The following FRMD4A variants were observed in gnomAD, a reference collection of about 807,000 sequenced individuals.
The protein encoded by FRMD4A is FERM domain-containing protein 4A.
Under a neutral mutation model 129.1 loss-of-function variants are expected in FRMD4A, and 29 were observed. The ratio of observed to expected loss-of-function variants is 0.22; its 90% CI spans 0.17 to 0.31. The LOEUF is 0.31. Among genes scored for constraint, FRMD4A ranks in the 10% least tolerant of loss-of-function variants. FRMD4A has a pLI of 1.00. For missense variants in FRMD4A, 1,272 were observed against 1,375.8 expected, an observed-to-expected ratio of 0.92 and a Z score of 1.19; for synonymous variants, 634 against 571.6, an observed-to-expected ratio of 1.11 and a Z score of -1.56.
chr10:13,689,198 C>CGGGGGGGTGGG (rs2085398998), intron 15 of FRMD4A, among the ~76,000 whole-genome samples: 1 of 68,026 alleles, frequency 1.5e-5, no homozygotes, highest in Non-Finnish European at 3.2e-5. Context: ...AAACTCTTTG[C>CGGGGGGGTGGG]GGGGGGGGGG....
At chr10:14,058,272 G>C (rs1004237929) in intron 2 of FRMD4A, among the ~76,000 whole-genome samples, 38 of 152,118 alleles carry the variant, frequency 2.5e-4, no homozygotes, top group African/African-American at 8.9e-4. Flanking sequence ...TCAATCTGAA[G>C]TTTGAGTTAC....
intron 2 of FRMD4A, among the ~76,000 whole-genome samples, chr10:14,104,623 G>A (rs567134988): frequency 2.3e-4 from 35 of 152,316 alleles, no homozygotes; most frequent in Non-Finnish European, 4.1e-4. Context: ...GAGTAGAAAG[G>A]CCAGTGAGAC....
chr10:13,855,781 G>A (rs1231146581), intron 3 of FRMD4A, among the ~76,000 whole-genome samples: 1 of 152,168 alleles, frequency 6.6e-6, no homozygotes, highest in Non-Finnish European at 1.5e-5. Context: ...GTCCAGATGA[G>A]CTAGAGAATC....
In FRMD4A at chr10:13,651,692, G is replaced by C. The variant is rs569140703; in HGVS notation, c.*2+211C>G. The C allele has an allele frequency of 1.1e-5, 6 of 571,288 alleles. No individual in the cohort carries two copies. The South Asian group carries it at 1.1e-4, about 10-fold the overall frequency. 35.4% of individuals were successfully genotyped at this position (571,288 alleles called of 1,614,324 possible). On this transcript the variant is annotated intron_variant, in intron 24 of 24. Coordinates refer to ENST00000357447, the MANE Select transcript of FRMD4A (RefSeq NM_018027.5). ...TGTCTCAAAACAAAACATACTCTGG[G>C]GGTCTTTTCTGGGAAGCAGTGTTAG...
chr10:13,797,491 G>C (rs2093146252), intron 4 of FRMD4A, among the ~76,000 whole-genome samples: 1 of 152,150 alleles, frequency 6.6e-6, no homozygotes, highest in African/African-American at 2.4e-5. Flanking sequence ...CAGCGTCTTA[G>C]TGTCCTGTGA....
intron 8 of FRMD4A, among the ~76,000 whole-genome samples, chr10:13,759,228 C>T (rs1388886559): frequency 6.6e-6 from 1 of 152,194 alleles, no homozygotes; most frequent in East Asian, 1.9e-4. Flanking sequence ...CAGACAGCTG[C>T]GCTTACAAAC....
chr10:13,760,536 T>A (rs533110855), intron 8 of FRMD4A, among the ~76,000 whole-genome samples: 1 of 151,386 alleles, frequency 6.6e-6, no homozygotes, highest in East Asian at 1.9e-4. Context: ...AATTAAAAAA[T>A]AATAATAATA....
At chr10:13,961,888 G>A (rs2095447255) in intron 2 of FRMD4A, among the ~76,000 whole-genome samples, 1 of 152,078 alleles carries the variant, frequency 6.6e-6, no homozygotes, top group Non-Finnish European at 1.5e-5. Flanking sequence ...AGCACATAGA[G>A]GGTGTTCATT....
intron 3 of FRMD4A, among the ~76,000 whole-genome samples, chr10:13,848,654 G>A (rs1414017168): frequency 6.6e-6 from 1 of 150,672 alleles, no homozygotes; most frequent in East Asian, 1.9e-4. Flanking sequence ...GCGGCAGGGG[G>A]TTCCCTAGAT....
chr10:14,212,594 A>G (rs2131958087), intron 2 of FRMD4A, among the ~76,000 whole-genome samples: 1 of 152,346 alleles, frequency 6.6e-6, no homozygotes, highest in South Asian at 2.1e-4. Flanking sequence ...GTAGATCCTT[A>G]ATGTGCATGA....
At chr10:13,885,376 G>A (rs1544219) in intron 2 of FRMD4A, among the ~76,000 whole-genome samples, 147,209 of 152,298 alleles carry the variant, frequency 0.97, 71,353 homozygotes, top group East Asian at 1. Context: ...GAGCTGGTTA[G>A]ATGACCAAAC....
chr10:13,755,848 A>C (rs1041487014), intron 8 of FRMD4A, among the ~76,000 whole-genome samples: 11 of 152,224 alleles, frequency 7.2e-5, no homozygotes, highest in Non-Finnish European at 1.2e-4. Flanking sequence ...CTGGCCCCCA[A>C]GTATTCAATC....
intron 3 of FRMD4A, among the ~76,000 whole-genome samples, chr10:13,848,602 GT>G (rs2094090961): frequency 9.9e-6 from 1 of 101,470 alleles, no homozygotes; most frequent in Non-Finnish European, 2.3e-5. Flanking sequence ...GTGAGTGTGT[GT>G]GTGTACGTGT....
intron 2 of FRMD4A, among the ~76,000 whole-genome samples, chr10:13,970,277 T>C (rs991992509): frequency 3.4e-5 from 5 of 148,224 alleles, no homozygotes; most frequent in African/African-American, 1.3e-4. Flanking sequence ...TCAGAAGCCA[T>C]GTAAAGGGTC....
intron 3 of FRMD4A, among the ~76,000 whole-genome samples, chr10:13,831,000 G>A (rs1970581): frequency 0.76 from 116,231 of 152,054 alleles, 44,454 homozygotes; most frequent in Middle Eastern, 0.83. Context: ...ATGTTGGCCA[G>A]GCTGGTCTTG....
intron 2 of FRMD4A, among the ~76,000 whole-genome samples, chr10:14,004,729 G>A (rs1390870433): frequency 7.2e-5 from 11 of 152,274 alleles, no homozygotes; most frequent in South Asian, 6.2e-4. Context: ...CAGTGTGGAT[G>A]AATAAACCGA....
At chr10:13,959,277 G>C (rs1433319039) in intron 2 of FRMD4A, among the ~76,000 whole-genome samples, 6 of 152,034 alleles carry the variant, frequency 3.9e-5, no homozygotes, top group African/African-American at 1.4e-4. Flanking sequence ...TTTGAGACCA[G>C]CCTGACCAAT....
At chr10:14,181,544 G>A (rs922524707) in intron 2 of FRMD4A, among the ~76,000 whole-genome samples, 4 of 152,172 alleles carry the variant, frequency 2.6e-5, no homozygotes, top group Non-Finnish European at 5.9e-5. Flanking sequence ...TCCCGCTTTT[G>A]TTGGGTTATT....
chr10:13,873,572 A>C (rs764245486), intron 2 of FRMD4A, among the ~76,000 whole-genome samples: 47 of 152,288 alleles, frequency 3.1e-4, no homozygotes, highest in Admixed American at 1.3e-3. Context: ...TTTGAGACGG[A>C]GTCTCGCTCT....
Sources: gnomAD v4.1 joint callset for allele counts (sites outside exome capture counted in the v4.1 genomes callset) on GRCh38, gnomAD v4.1.1 for gene constraint, MANE v1.5 for transcripts, NCBI Gene and HGNC (gene_info 2026-07-23, HGNC 2026-07-21) for gene names.